The following SLIT2 variants were observed in gnomAD, a reference collection of about 807,000 sequenced individuals.
SLIT2 encodes slit guidance ligand 2, also known as slit homolog 2 protein.
In SLIT2, 41 loss-of-function variants were observed where a neutral mutation model predicts 185.7. That is an observed-to-expected ratio of 0.22 (90% CI 0.17 to 0.29). The LOEUF is 0.29. Ranked by LOEUF, SLIT2 falls within the 10% of genes least tolerant of loss-of-function variation. SLIT2 has a pLI of 1.00. For missense variants in SLIT2, 1,571 were observed against 1,909.0 expected (o/e 0.82, Z 3.30); for synonymous variants, 693 against 680.2 (o/e 1.02, Z -0.29).
intron 6 of SLIT2, 57 bp downstream of exon 6, chr4:20,480,844 T>C: frequency 8.1e-7 from 1 of 1,242,186 alleles, no homozygotes. Context: ...TGGACAGGAC[T>C]AATGTGGAAG....
chr4:20,474,229 A>C (rs1156614662), intron 5 of SLIT2, among the ~76,000 whole-genome samples: 1 of 152,028 alleles, frequency 6.6e-6, no homozygotes, highest in East Asian at 1.9e-4. Flanking sequence ...TTCCTATGTA[A>C]CTAAATAAAA....
chr4:20,331,523 C>A (rs1344714228), intron 4 of SLIT2, among the ~76,000 whole-genome samples: 2 of 145,550 alleles, frequency 1.4e-5, no homozygotes, highest in African/African-American at 2.8e-5. Context: ...GCTAACATTT[C>A]TTTAATACTG....
intron 11 of SLIT2, among the ~76,000 whole-genome samples, chr4:20,518,967 G>A (rs992297868): frequency 1.3e-5 from 2 of 151,942 alleles, no homozygotes; most frequent in Non-Finnish European, 2.9e-5. Context: ...TTTACTTAAT[G>A]TTGTATCTTG....
chr4:20,363,908 G>A (rs73238758), intron 4 of SLIT2, among the ~76,000 whole-genome samples: 32,470 of 152,068 alleles, frequency 0.21, 3,748 homozygotes, highest in Non-Finnish European at 0.27. Context: ...TGTAAATTGT[G>A]GGATGTGTAG....
At chr4:20,477,402 T>A (rs928088015) in intron 5 of SLIT2, among the ~76,000 whole-genome samples, 3 of 152,106 alleles carry the variant, frequency 2.0e-5, no homozygotes, top group African/African-American at 7.2e-5. Context: ...TTTCACCATG[T>A]TGGCCAGGCT....
intron 4 of SLIT2, among the ~76,000 whole-genome samples, chr4:20,353,446 A>G (rs1353900876): frequency 6.6e-6 from 1 of 152,214 alleles, no homozygotes. Flanking sequence ...TGCTGTATCC[A>G]GACATGTTAC....
intron 5 of SLIT2, among the ~76,000 whole-genome samples, chr4:20,478,862 G>T (rs1389476298): frequency 6.6e-6 from 1 of 152,104 alleles, no homozygotes; most frequent in Non-Finnish European, 1.5e-5. Context: ...TAACTTAATT[G>T]TTAAATGAAT....
intron 33 of SLIT2, among the ~76,000 whole-genome samples, chr4:20,600,315 T>C (rs1180420242): frequency 6.6e-6 from 1 of 151,658 alleles, no homozygotes; most frequent in Non-Finnish European, 1.5e-5. Flanking sequence ...AACAAGGACC[T>C]ACCATAACGA....
At chr4:20,504,127 T>G (rs1718987989) in intron 9 of SLIT2, among the ~76,000 whole-genome samples, 1 of 152,166 alleles carries the variant, frequency 6.6e-6, no homozygotes, top group Non-Finnish European at 1.5e-5. Context: ...AGTACTTACT[T>G]TACAATTATA....
intron 30 of SLIT2, among the ~76,000 whole-genome samples, chr4:20,594,997 A>C (rs952066274): frequency 3.9e-5 from 6 of 152,128 alleles, no homozygotes; most frequent in African/African-American, 1.4e-4. Flanking sequence ...TGTCAGCTGT[A>C]TTATTACTCC....
At chr4:20,292,222 G>A (rs771998425) in intron 4 of SLIT2, among the ~76,000 whole-genome samples, 25 of 152,094 alleles carry the variant, frequency 1.6e-4, no homozygotes, top group Non-Finnish European at 3.7e-4. Context: ...CTGCCTCTGG[G>A]ATAGAAATAA....
chr4:20,572,980 G>A (rs1461680071), intron 29 of SLIT2, among the ~76,000 whole-genome samples: 11 of 152,202 alleles, frequency 7.2e-5, no homozygotes, highest in Admixed American at 7.2e-4. Flanking sequence ...ATCTTAAACA[G>A]TAAAACTGCT....
chr4:20,287,740 A>T (rs1715397607), intron 4 of SLIT2, among the ~76,000 whole-genome samples: 1 of 152,196 alleles, frequency 6.6e-6, no homozygotes, highest in Non-Finnish European at 1.5e-5. Context: ...CTCCTTCTAG[A>T]ATTCAAGCTA....
chr4:20,489,502 G>A (rs1378621456), intron 8 of SLIT2, among the ~76,000 whole-genome samples: 1 of 152,164 alleles, frequency 6.6e-6, no homozygotes, highest in Admixed American at 6.5e-5. Flanking sequence ...TAAGACATAG[G>A]GTCAGGCACT....
chr4:20,592,751 T>G (rs1727611195), intron 30 of SLIT2, among the ~76,000 whole-genome samples: 1 of 152,190 alleles, frequency 6.6e-6, no homozygotes, highest in Non-Finnish European at 1.5e-5. Context: ...AGTTCTCTTC[T>G]CGGGCCTTGT....
At chr4:20,489,430 C>T (rs1238715492) in intron 8 of SLIT2, among the ~76,000 whole-genome samples, 2 of 152,164 alleles carry the variant, frequency 1.3e-5, no homozygotes, top group East Asian at 3.9e-4. Context: ...ACTAATGGTT[C>T]AGTTTTACTT....
At chr4:20,601,242 G>T (rs1285120606) in intron 33 of SLIT2, among the ~76,000 whole-genome samples, 1 of 152,194 alleles carries the variant, frequency 6.6e-6, no homozygotes, top group African/African-American at 2.4e-5. Context: ...TTCAAGTCCA[G>T]CTCTGTTATC....
At chr4:20,310,172 CT>C (rs1002404545) in intron 4 of SLIT2, among the ~76,000 whole-genome samples, 1 of 152,090 alleles carries the variant, frequency 6.6e-6, no homozygotes, top group Non-Finnish European at 1.5e-5. Context: ...CTTTCTTACT[CT>C]TTTTTAATGT....
At chr4:20,554,621 C>T (rs554856564) in intron 26 of SLIT2, among the ~76,000 whole-genome samples, 47 of 151,948 alleles carry the variant, frequency 3.1e-4, no homozygotes, top group Non-Finnish European at 5.7e-4. Context: ...GTCAGCATAC[C>T]TGGAGATAAC....
Sources: gnomAD v4.1 joint callset for allele counts (sites outside exome capture counted in the v4.1 genomes callset) on GRCh38, gnomAD v4.1.1 for gene constraint, MANE v1.5 for transcripts, NCBI Gene and HGNC (gene_info 2026-07-23, HGNC 2026-07-21) for gene names.